Variants in NCAM2 observed in about 807,000 individuals in gnomAD.
The protein encoded by NCAM2 is N-CAM-2.
NCAM2 carries 30 observed loss-of-function variants against 98.1 expected under a neutral mutation model. That is an observed-to-expected ratio of 0.31 (90% CI 0.23 to 0.41). NCAM2 has a LOEUF of 0.41. Among genes scored for constraint, NCAM2 ranks in the 10% least tolerant of loss-of-function variants. The pLI, the probability that NCAM2 is intolerant of heterozygous loss-of-function variation, is 1.00. For synonymous variants in NCAM2, 368 were observed against 342.4 expected (o/e 1.07, Z -0.83); for missense variants, 867 against 1,005.8 (o/e 0.86, Z 1.87).
chr21:21,433,122 G>T (rs1260256940), intron 12 of NCAM2, among the ~76,000 whole-genome samples: 2 of 152,352 alleles, frequency 1.3e-5, no homozygotes, highest in African/African-American at 2.4e-5. Flanking sequence ...GGTCTCATCT[G>T]TGTTGACCCT....
Position 21,427,501 on chromosome 21 carries a change from C to A in NCAM2, c.1481-4607C>A, listed in dbSNP as rs141818433. On this transcript the variant is annotated intron_variant, in intron 11 of 17. Transcript: ENST00000400546. ...AAGATAGCCAAGATATAAAGATGTACAGCATGATCTCACTTATATGTGGAA... is the reference window on the plus strand; with the variant it reads ...AAGATAGCCAAGATATAAAGATGTAAAGCATGATCTCACTTATATGTGGAA... Among the ~76,000 whole-genome samples, 828 of 152,250 alleles carry A rather than the reference C, an allele frequency of 5.4e-3. 9 individuals carry two copies. The highest frequency in any genetic ancestry group is 0.019 in the African/African-American group (790 of 41,536).
rs896737197 is a variant in NCAM2 at position 21,543,005 on chromosome 21, G to C, written c.*5048G>C. 2.4e-5 allele frequency: 2 copies of C among 82,920 alleles called. No individual in the cohort carries two copies. Among genetic ancestry groups the C allele is most frequent in the Non-Finnish European group, 4.2e-5 (2 of 47,700 alleles). 5.1% of individuals were successfully genotyped at this position (82,920 alleles called of 1,614,324 possible). On this transcript the variant is annotated 3_prime_UTR_variant, in exon 18 of 18. Coordinates refer to ENST00000400546, the MANE Select transcript of NCAM2 (RefSeq NM_004540.5). ...AGAAATATGTGAAGTTAGAAATAAA[G>C]GTTTTTTTAAAAAAAAAGCTTTTTT...
At chr21:21,429,612 C>T (rs2077286649) in intron 11 of NCAM2, among the ~76,000 whole-genome samples, 1 of 152,088 alleles carries the variant, frequency 6.6e-6, no homozygotes, top group Non-Finnish European at 1.5e-5. Context: ...TTGGATCAAA[C>T]CTACAGCTGA....
At chr21:21,223,217 T>C (rs948813292) in intron 1 of NCAM2, 1 of 152,204 alleles carries the variant, frequency 6.6e-6, no homozygotes, top group Non-Finnish European at 1.5e-5. Context: ...TGATTTTTCA[T>C]TCTATAAATA....
At chr21:21,022,642 A>G (rs1245093085) in intron 1 of NCAM2, among the ~76,000 whole-genome samples, 1 of 152,172 alleles carries the variant, frequency 6.6e-6, no homozygotes, top group Non-Finnish European at 1.5e-5. Flanking sequence ...ATAGGTTACT[A>G]TTTATTAATA....
In NCAM2 at chr21:21,530,096, T is replaced by TATATAATTTAATTTAATAA. The variant is rs1569141527; in HGVS notation, c.2283-4440_2283-4439insTATAATTTAATTTAATAAA. 3.7e-3 allele frequency among the ~76,000 whole-genome samples: 474 copies of TATATAATTTAATTTAATAA among 126,520 alleles called. 17 individuals carry two copies. Among genetic ancestry groups the TATATAATTTAATTTAATAA allele is most frequent in the African/African-American group, 0.012 (420 of 33,792 alleles). The allele number at this position is 126,520 out of a possible 152,430, so 83.0% of individuals were successfully genotyped here. Reference sequence around the variant, plus strand: ...TAAAATTATATAATTTAATTTAATTTAATTATATATAATTTAATTTAATTT... The same window carrying TATATAATTTAATTTAATAA: ...TAAAATTATATAATTTAATTTAATTTATATAATTTAATTTAATAAAATTATATATAATTTAATTTAATTT... On this transcript the variant is annotated intron_variant, in intron 16 of 17. Transcript: ENST00000400546.
intron 16 of NCAM2, among the ~76,000 whole-genome samples, chr21:21,525,695 C>A (rs946756995): frequency 8.6e-5 from 13 of 152,028 alleles, no homozygotes; most frequent in African/African-American, 3.1e-4. Flanking sequence ...CAAAACCAGA[C>A]AAAGATATGA....
intron 5 of NCAM2, among the ~76,000 whole-genome samples, chr21:21,311,118 A>G (rs2074036384): frequency 1.3e-5 from 2 of 152,216 alleles, no homozygotes; most frequent in African/African-American, 2.4e-5. Context: ...ACACAAACAT[A>G]TCAAGCTGGG....
intron 1 of NCAM2, among the ~76,000 whole-genome samples, chr21:21,009,363 A>T (rs2064165549): frequency 6.6e-6 from 1 of 152,108 alleles, no homozygotes; most frequent in African/African-American, 2.4e-5. Flanking sequence ...TAATAAAGTC[A>T]TAGTTATTAT....
Position 21,466,778 on chromosome 21 carries a change from A to G in NCAM2, c.1774+53A>G, listed in dbSNP as rs766631789. On this transcript the variant is annotated intron_variant, in intron 13 of 17. Transcript: ENST00000400546. ...TCTTTTGTCATTTTCTTCACTTGCA[A>G]ATTTAATAGATTTTAAAATGTAGGG... 7 of 1,517,666 alleles carry G rather than the reference A, an allele frequency of 4.6e-6. No homozygotes were observed. The South Asian group carries it at 8.5e-5, about 19-fold the overall frequency. 94.0% of individuals were successfully genotyped at this position (1,517,666 alleles called of 1,614,324 possible).
chr21:21,210,786 T>C, intron 1 of NCAM2: 1 of 459,090 alleles, frequency 2.2e-6, no homozygotes, highest in Non-Finnish European at 3.4e-6. Context: ...TTACTAGAAC[T>C]CCCCTAGAGG....
chr21:21,238,327 T>C (rs1483095807), intron 1 of NCAM2, among the ~76,000 whole-genome samples: 2 of 152,192 alleles, frequency 1.3e-5, no homozygotes, highest in Non-Finnish European at 2.9e-5. Context: ...GCTAATTTGA[T>C]TTATTTCATT....
At chr21:21,397,430 G>A (rs2076534190) in intron 9 of NCAM2, among the ~76,000 whole-genome samples, 1 of 152,140 alleles carries the variant, frequency 6.6e-6, no homozygotes, top group South Asian at 2.1e-4. Context: ...TCTTCCCTCA[G>A]CCTCCCTCCT....
chr21:21,111,144 A>T (rs1569033717), intron 1 of NCAM2, among the ~76,000 whole-genome samples: 2 of 152,222 alleles, frequency 1.3e-5, no homozygotes, highest in Admixed American at 6.5e-5. Flanking sequence ...AGAAGGAAAT[A>T]AAAAATCTAT....
chr21:21,324,561 TG>T (rs11334381), intron 6 of NCAM2, 61 bp downstream of exon 6: 1,094,718 of 1,094,726 alleles, frequency 1, 547,355 homozygotes, highest in Middle Eastern at 1. Context: ...GGAACAGTAT[TG>T]GGGATCTTAA....
intron 1 of NCAM2, among the ~76,000 whole-genome samples, chr21:21,074,233 A>G (rs1220554647): frequency 6.6e-6 from 1 of 152,016 alleles, no homozygotes; most frequent in Non-Finnish European, 1.5e-5. Context: ...TAGTCTTAGA[A>G]AATTATGATG....
chr21:21,267,619 A>G (rs933192927), intron 1 of NCAM2, among the ~76,000 whole-genome samples: 3 of 152,126 alleles, frequency 2.0e-5, no homozygotes, highest in Non-Finnish European at 4.4e-5. Context: ...GGCAATCTCC[A>G]CTCAGAGGTG....
intron 6 of NCAM2, among the ~76,000 whole-genome samples, chr21:21,325,129 C>T (rs544600166): frequency 1.1e-4 from 17 of 151,988 alleles, no homozygotes; most frequent in African/African-American, 3.4e-4. Context: ...TCTCAAACTA[C>T]GAAATTGGAG....
intron 6 of NCAM2, among the ~76,000 whole-genome samples, chr21:21,332,416 T>G (rs940395102): frequency 1.3e-4 from 20 of 152,300 alleles, no homozygotes; most frequent in African/African-American, 4.3e-4. Context: ...TGCAATATTA[T>G]TCTAAGGACA....
Sources: gnomAD v4.1 joint callset for allele counts (sites outside exome capture counted in the v4.1 genomes callset) on GRCh38, gnomAD v4.1.1 for gene constraint, MANE v1.5 for transcripts, NCBI Gene and HGNC (gene_info 2026-07-23, HGNC 2026-07-21) for gene names.